SINHCAF: variants seen among roughly 807,000 people sequenced by gnomAD.
The protein encoded by SINHCAF is SIN3-HDAC complex-associated factor.
SINHCAF carries 3 observed loss-of-function variants against 25.8 expected under a neutral mutation model. The observed-to-expected ratio is 0.12, with a 90% CI of 0.05 to 0.30. The LOEUF is 0.30. Among genes scored for constraint, SINHCAF ranks in the 10% least tolerant of loss-of-function variants. The pLI, the probability that SINHCAF is intolerant of heterozygous loss-of-function variation, is 1.00. For synonymous variants in SINHCAF, 70 were observed against 85.5 expected, an observed-to-expected ratio of 0.82 and a Z score of 1.00; for missense variants, 121 against 262.3, an observed-to-expected ratio of 0.46 and a Z score of 3.72.
intron 1 of SINHCAF, among the ~76,000 whole-genome samples, chr12:31,323,021 C>A (rs904354963): frequency 6.6e-6 from 1 of 152,138 alleles, no homozygotes; most frequent in Non-Finnish European, 1.5e-5. Flanking sequence ...TGGGAAGAAG[C>A]TAGCCGTTAC....
chr12:31,287,247 A>T (rs1938119297), intron 5 of SINHCAF, among the ~76,000 whole-genome samples: 1 of 152,152 alleles, frequency 6.6e-6, no homozygotes, highest in African/African-American at 2.4e-5. Context: ...TGCTTTATCT[A>T]TACCTAAGTC....
At position 31,325,053 on chromosome 12, in the gene SINHCAF, A is replaced by G. The variant is rs1346514140; in HGVS notation, c.-21+971T>C. ...GCCCGAAGCACGTGGTCTGTCACGTAGAGCACAAAAAGCAGTGCCCTGCGG... is the reference window on the plus strand; with the variant it reads ...GCCCGAAGCACGTGGTCTGTCACGTGGAGCACAAAAAGCAGTGCCCTGCGG... On this transcript the variant is annotated intron_variant, in intron 1 of 5. Coordinates refer to ENST00000337682, the MANE Select transcript of SINHCAF (RefSeq NM_001135812.2). The surrounding 1 kb of genome is among the most constrained non-coding windows in gnomAD (Gnocchi z 5.9). The G allele has an allele frequency of 2.2e-6, 1 of 456,710 alleles. No individual in the cohort carries two copies. 28.3% of individuals were successfully genotyped at this position (456,710 alleles called of 1,614,324 possible). A position where few individuals can be genotyped will look rare whatever the true frequency, so the allele number is the denominator to read the frequency against.
chr12:31,288,333 A>C (rs1225151235), intron 4 of SINHCAF, among the ~76,000 whole-genome samples: 1 of 152,210 alleles, frequency 6.6e-6, no homozygotes, highest in African/African-American at 2.4e-5. Context: ...GTTCCAGCCA[A>C]ACCCACGGAA....
intron 3 of SINHCAF, among the ~76,000 whole-genome samples, chr12:31,294,660 C>T (rs1283584138): frequency 6.6e-6 from 1 of 152,100 alleles, no homozygotes; most frequent in East Asian, 1.9e-4. Context: ...AAAATCATGA[C>T]CTATTATAAT....
chr12:31,293,790 T>A lies in SINHCAF; in HGVS notation c.355+15A>T, dbSNP rs1343874549. The A allele has an allele frequency of 1.3e-6, 2 of 1,595,574 alleles. No individual in the cohort carries two copies. The highest frequency in any genetic ancestry group is 1.4e-5 in the African/African-American group (1 of 73,618). ...AAACAATTATTAAGTACTAATGTTG[T>A]AATATCAAACTTACTATGACGTTTA... On this transcript the variant is annotated intron_variant, in intron 4 of 5. Transcript: ENST00000337682.
intron 1 of SINHCAF, among the ~76,000 whole-genome samples, chr12:31,317,551 T>C (rs984076226): frequency 2.6e-5 from 4 of 152,012 alleles, no homozygotes; most frequent in Non-Finnish European, 4.4e-5. Flanking sequence ...AAATAGTAAA[T>C]AGTGGTTGCC....
At chr12:31,323,548 G>T (rs765544935) in intron 1 of SINHCAF, among the ~76,000 whole-genome samples, 19 of 152,132 alleles carry the variant, frequency 1.2e-4, no homozygotes, top group Non-Finnish European at 2.5e-4. Context: ...AATCTTCCGA[G>T]TGCCTGAAGT....
At chr12:31,284,492 A>C (rs1298314115) in intron 5 of SINHCAF, among the ~76,000 whole-genome samples, 2 of 152,194 alleles carry the variant, frequency 1.3e-5, no homozygotes, top group Non-Finnish European at 2.9e-5. Context: ...TTAAGTTCAT[A>C]ATTATAATGT....
At chr12:31,291,907 T>C (rs1403129857) in intron 4 of SINHCAF, among the ~76,000 whole-genome samples, 1 of 152,212 alleles carries the variant, frequency 6.6e-6, no homozygotes, top group South Asian at 2.1e-4. Context: ...CCCAACTGCT[T>C]CAATGCACAA....
At chr12:31,303,858 A>G (rs1938910939) in intron 1 of SINHCAF, 1 of 152,230 alleles carries the variant, frequency 6.6e-6, no homozygotes, top group African/African-American at 2.4e-5. Flanking sequence ...AGCCAATTAA[A>G]TAGATCATTG....
Position 31,325,568 on chromosome 12 carries a change from C to G in SINHCAF, c.-21+456G>C, listed in dbSNP as rs1379712324. On this transcript the variant is annotated intron_variant, in intron 1 of 5. Coordinates refer to ENST00000337682, the MANE Select transcript of SINHCAF (RefSeq NM_001135812.2). The surrounding 1 kb of genome is among the most constrained non-coding windows in gnomAD (Gnocchi z 5.9). ...TTTCACAACGGCGCCCGACCCTGCC[C>G]GCGCCTCGCGCCCACGCGGACGCAC... 1.0e-5 allele frequency: 2 copies of G among 194,466 alleles called. No homozygotes were observed. The highest frequency in any genetic ancestry group is 2.2e-5 in the Non-Finnish European group (2 of 91,376). The allele number at this position is 194,466 out of a possible 1,614,324, so 12.0% of individuals were successfully genotyped here.
intron 2 of SINHCAF, among the ~76,000 whole-genome samples, chr12:31,296,208 C>T (rs1938543246): frequency 6.6e-6 from 1 of 152,058 alleles, no homozygotes; most frequent in Non-Finnish European, 1.5e-5. Context: ...CTCTGTCACG[C>T]AGGCTGGAGT....
At chr12:31,307,711 G>C (rs1400637952) in intron 1 of SINHCAF, among the ~76,000 whole-genome samples, 1 of 152,174 alleles carries the variant, frequency 6.6e-6, no homozygotes, top group Non-Finnish European at 1.5e-5. Flanking sequence ...ACTGAATACG[G>C]AATGAAGGCA....
At chr12:31,290,919 A>G (rs1008264499) in intron 4 of SINHCAF, among the ~76,000 whole-genome samples, 3 of 152,096 alleles carry the variant, frequency 2.0e-5, no homozygotes, top group Admixed American at 2.0e-4. Context: ...GGGTTTCTCC[A>G]TGTTGGTCAG....
At chr12:31,290,516 G>A (rs1938267241) in intron 4 of SINHCAF, among the ~76,000 whole-genome samples, 1 of 152,114 alleles carries the variant, frequency 6.6e-6, no homozygotes, top group Non-Finnish European at 1.5e-5. Flanking sequence ...AGCCCCGTTA[G>A]TATTTTTAAT....
chr12:31,312,116 A>G (rs1939293322), intron 1 of SINHCAF: 1 of 443,868 alleles, frequency 2.3e-6, no homozygotes, highest in East Asian at 6.1e-5. Flanking sequence ...GACATTTATC[A>G]CCATCAATTG....
Position 31,325,119 on chromosome 12 carries a change from C to T in SINHCAF, c.-21+905G>A, listed in dbSNP as rs1939908361. The T allele has an allele frequency of 2.2e-6, 1 of 456,770 alleles. No homozygotes were observed. The highest frequency in any genetic ancestry group is 4.4e-6 in the Non-Finnish European group (1 of 226,972). 28.3% of individuals were successfully genotyped at this position (456,770 alleles called of 1,614,324 possible). On this transcript the variant is annotated intron_variant, in intron 1 of 5. Transcript: ENST00000337682. The surrounding 1 kb of genome is among the most constrained non-coding windows in gnomAD (Gnocchi z 5.9). The stretch of plus-strand genomic sequence containing the variant: ...GCGGCGTACACAACGCCGCCGCCTC[C>T]ATCTCCAGCCAAGTTGGCTTCCCTG...
At chr12:31,320,099 T>C (rs926653435) in intron 1 of SINHCAF, among the ~76,000 whole-genome samples, 1 of 152,236 alleles carries the variant, frequency 6.6e-6, no homozygotes, top group Non-Finnish European at 1.5e-5. Flanking sequence ...CTGACTTCCC[T>C]ACATCCTTTA....
At position 31,326,049 on chromosome 12, in the gene SINHCAF, CAAT is replaced by C. The variant is rs1939964470; in HGVS notation, c.-49_-47del. On this transcript the variant is annotated 5_prime_UTR_variant, in exon 1 of 6. Coordinates refer to ENST00000337682, the MANE Select transcript of SINHCAF (RefSeq NM_001135812.2). ...CTTCCAAAAGCAGCCGTTCCACGCG[CAAT>C]AATGTCCCCGAGGTGCGGAGTGCAC... 1 of 152,276 alleles carries C rather than the reference CAAT, an allele frequency of 6.6e-6. No homozygotes were observed. Among genetic ancestry groups the C allele is most frequent in the Admixed American group, 6.5e-5 (1 of 15,280 alleles). 9.4% of individuals were successfully genotyped at this position (152,276 alleles called of 1,614,324 possible). A position where few individuals can be genotyped will look rare whatever the true frequency, so the allele number is the denominator to read the frequency against.
Sources: allele counts gnomAD v4.1 joint callset (sites outside exome capture counted in the v4.1 genomes callset), GRCh38; gene constraint gnomAD v4.1.1; non-coding constraint Gnocchi (gnomAD v3.1); transcripts MANE v1.5; gene names NCBI Gene and HGNC (gene_info 2026-07-23, HGNC 2026-07-21).